SEL1L3: variants seen among roughly 807,000 people sequenced by gnomAD.
SEL1L3 encodes the protein SEL1L family member 3.
A neutral mutation model predicts 142.8 loss-of-function variants in SEL1L3; 76 were observed. The ratio of observed to expected loss-of-function variants is 0.53; its 90% CI spans 0.44 to 0.64. SEL1L3 has a LOEUF of 0.64. Ranked by LOEUF, SEL1L3 falls within the 30% of genes least tolerant of loss-of-function variation. The probability of loss-of-function intolerance (pLI) is 0.00; values close to 1 mark genes in which losing one functional copy is unlikely to be tolerated. For missense variants in SEL1L3, 1,262 were observed against 1,381.7 expected, an observed-to-expected ratio of 0.91 and a Z score of 1.37; for synonymous variants, 504 against 519.6, an observed-to-expected ratio of 0.97 and a Z score of 0.41.
At chr4:25,818,009 G>T in intron 9 of SEL1L3, 129 bp downstream of exon 9, 1 of 964,330 alleles carries the variant, frequency 1.0e-6, no homozygotes, top group Non-Finnish European at 1.5e-6. Flanking sequence ...ATTTAAATCT[G>T]AAATTAAACT....
At chr4:25,824,570 T>C (rs1352542854) in intron 6 of SEL1L3, among the ~76,000 whole-genome samples, 2 of 152,222 alleles carry the variant, frequency 1.3e-5, no homozygotes, top group African/African-American at 4.8e-5. Context: ...TAGCCCTCTG[T>C]TGGACTTTGG....
intron 9 of SEL1L3, among the ~76,000 whole-genome samples, chr4:25,814,642 G>A (rs761236923): frequency 1.3e-5 from 2 of 151,240 alleles, no homozygotes; most frequent in Non-Finnish European, 2.9e-5. Flanking sequence ...CAGACGCTGT[G>A]GGCAGGAAGA....
At chr4:25,842,247 A>G (rs1716213403) in intron 2 of SEL1L3, among the ~76,000 whole-genome samples, 1 of 148,162 alleles carries the variant, frequency 6.7e-6, no homozygotes, top group Non-Finnish European at 1.5e-5. Context: ...GTGGAAATTA[A>G]AAAAAAAAAA....
intron 1 of SEL1L3, among the ~76,000 whole-genome samples, chr4:25,852,110 C>G (rs966096233): frequency 5.9e-5 from 9 of 152,036 alleles, no homozygotes; most frequent in African/African-American, 1.9e-4. Flanking sequence ...AGGGAGGAAA[C>G]ACATATAAAA....
the SEL1L3 span, among the ~76,000 whole-genome samples, chr4:25,721,501 G>T: frequency 6.6e-6 from 1 of 152,128 alleles, no homozygotes; most frequent in Non-Finnish European, 1.5e-5. Flanking sequence ...CTTCCACAAT[G>T]ACTTACCGTG....
the SEL1L3 span, among the ~76,000 whole-genome samples, chr4:25,722,623 G>GATTTTTTTTTTTTTTTTTTT: frequency 8.0e-6 from 1 of 125,124 alleles, no homozygotes. Context: ...TCCAAAGGAG[G>GATTTTTTTTTTTTTTTTTTT]CTTTTTTTTT....
In SEL1L3 at chr4:25,765,302, G is replaced by T. The variant is rs758551996; in HGVS notation, c.2955+24C>A. On this transcript the variant is annotated intron_variant, in intron 20 of 23. Transcript: ENST00000399878. ...AGCCACCGTGCCCGGCCAAGAGCTG[G>T]TTTTTGTTGCGGTTGCTGTTTACCT... The T allele has an allele frequency of 4.6e-6, 7 of 1,523,040 alleles. No homozygotes were observed. The South Asian group carries it at 7.8e-5, about 17-fold the overall frequency. The allele number at this position is 1,523,040 out of a possible 1,614,324, so 94.3% of individuals were successfully genotyped here.
At chr4:25,778,073 G>A (rs965177642) in intron 16 of SEL1L3, among the ~76,000 whole-genome samples, 2 of 152,128 alleles carry the variant, frequency 1.3e-5, no homozygotes, top group Admixed American at 6.6e-5. Context: ...GACAACTCCT[G>A]TAAAACATTT....
intron 6 of SEL1L3, among the ~76,000 whole-genome samples, chr4:25,828,370 ATTTCT>A (rs932664578): frequency 3.4e-5 from 5 of 148,978 alleles, no homozygotes; most frequent in African/African-American, 1.2e-4. Context: ...AAGATTCTGC[ATTTCT>A]TTTCTTATCT....
chr4:25,833,801 C>T (rs1473040820), intron 3 of SEL1L3, among the ~76,000 whole-genome samples: 1 of 152,194 alleles, frequency 6.6e-6, no homozygotes, highest in Non-Finnish European at 1.5e-5. Context: ...AGCAGACTTT[C>T]TACCTTGCAC....
At chr4:25,792,025 G>C (rs1266900592) in intron 11 of SEL1L3, among the ~76,000 whole-genome samples, 1 of 152,004 alleles carries the variant, frequency 6.6e-6, no homozygotes, top group African/African-American at 2.4e-5. Flanking sequence ...GTCCTTTCCA[G>C]GGGGACTCGG....
chr4:25,769,583 C>G (rs1001179536), intron 17 of SEL1L3, among the ~76,000 whole-genome samples: 5 of 152,218 alleles, frequency 3.3e-5, no homozygotes, highest in Non-Finnish European at 5.9e-5. Context: ...AGGCCCCAGA[C>G]AGAGGGCATG....
rs770943996 is a variant in SEL1L3 at position 25,776,265 on chromosome 4, T to A, written c.2669+12A>T. On this transcript the variant is annotated intron_variant, in intron 17 of 23. Transcript: ENST00000399878. The stretch of plus-strand genomic sequence containing the variant: ...GGAAAAAAGTTTGCTCTAACGTGGA[T>A]CCCAAGCTTACCATGAACCTTCCAG... 2.5e-6 allele frequency: 4 copies of A among 1,598,072 alleles called. No homozygotes were observed. Among genetic ancestry groups the A allele is most frequent in the Non-Finnish European group, 3.4e-6 (4 of 1,167,018 alleles).
intron 15 of SEL1L3, among the ~76,000 whole-genome samples, chr4:25,781,281 T>C (rs1016544935): frequency 3.9e-5 from 6 of 152,212 alleles, no homozygotes; most frequent in African/African-American, 1.4e-4. Context: ...CCTGCTACTA[T>C]GTCCTCAGTG....
At chr4:25,729,003 C>T in the SEL1L3 span, among the ~76,000 whole-genome samples, 1 of 152,160 alleles carries the variant, frequency 6.6e-6, no homozygotes, top group Non-Finnish European at 1.5e-5. Context: ...AGTCACACTT[C>T]AGTGAGTCCC....
At chr4:25,717,206 T>TA in the SEL1L3 span, among the ~76,000 whole-genome samples, 2 of 151,848 alleles carry the variant, frequency 1.3e-5, no homozygotes, top group African/African-American at 2.4e-5. Flanking sequence ...AAATTAAAAA[T>TA]AAAAAAAACC....
intron 5 of SEL1L3, among the ~76,000 whole-genome samples, chr4:25,831,587 G>A (rs950314270): frequency 1.7e-4 from 26 of 150,046 alleles, no homozygotes; most frequent in Admixed American, 4.7e-4. Flanking sequence ...GTGCAGGGGC[G>A]CCATCTTAGC....
chr4:25,811,035 C>A (rs980702234), intron 9 of SEL1L3, among the ~76,000 whole-genome samples: 3 of 152,182 alleles, frequency 2.0e-5, no homozygotes, highest in Non-Finnish European at 1.5e-5. Context: ...CCTCTGTACA[C>A]CCTGGCACTT....
intron 5 of SEL1L3, among the ~76,000 whole-genome samples, chr4:25,830,751 A>C (rs1715385063): frequency 6.6e-6 from 1 of 152,242 alleles, no homozygotes; most frequent in South Asian, 2.1e-4. Flanking sequence ...GTGCCACCAC[A>C]GAGTAAGTGT....
Sources: gnomAD v4.1 joint callset for allele counts (sites outside exome capture counted in the v4.1 genomes callset) on GRCh38, gnomAD v4.1.1 for gene constraint, MANE v1.5 for transcripts, NCBI Gene and HGNC (gene_info 2026-07-23, HGNC 2026-07-21) for gene names.